SLC24A2: variants seen among roughly 807,000 people sequenced by gnomAD.
The protein encoded by SLC24A2 is solute carrier family 24 member 2.
In SLC24A2, 36 loss-of-function variants were observed where a neutral mutation model predicts 62.0. The observed-to-expected ratio is 0.58, with a 90% CI of 0.44 to 0.77. The LOEUF is 0.77. Among genes scored for constraint, SLC24A2 ranks in the 30% least tolerant of loss-of-function variants. The pLI is 0.00. For synonymous variants in SLC24A2, 358 were observed against 294.0 expected, an observed-to-expected ratio of 1.22 and a Z score of -2.23; for missense variants, 846 against 817.9, an observed-to-expected ratio of 1.03 and a Z score of -0.42.
chr9:20,054,582 C>G, the SLC24A2 span, among the ~76,000 whole-genome samples: 6 of 152,172 alleles, frequency 3.9e-5, no homozygotes, highest in Non-Finnish European at 5.9e-5. Context: ...CCTCACCCCC[C>G]TCCCATGCTT....
the SLC24A2 span, among the ~76,000 whole-genome samples, chr9:20,185,668 A>T: frequency 6.6e-6 from 1 of 150,892 alleles, no homozygotes; most frequent in Admixed American, 6.6e-5. Flanking sequence ...CCATCTCAAA[A>T]AAAAAAAAAA....
the SLC24A2 span, among the ~76,000 whole-genome samples, chr9:20,219,246 G>A: frequency 1.3e-5 from 2 of 152,148 alleles, no homozygotes; most frequent in African/African-American, 2.4e-5. Flanking sequence ...GCTGAGGGAG[G>A]ACTCACTCCT....
the SLC24A2 span, among the ~76,000 whole-genome samples, chr9:20,278,194 C>T: frequency 4.6e-5 from 7 of 151,944 alleles, no homozygotes; most frequent in Middle Eastern, 3.4e-3. Context: ...TGTAACAAAC[C>T]GGCACACTGT....
chr9:20,041,000 A>G, the SLC24A2 span, among the ~76,000 whole-genome samples: 1 of 152,184 alleles, frequency 6.6e-6, no homozygotes, highest in South Asian at 2.1e-4. Context: ...ATTCTCTCCT[A>G]AAAAGGGCAG....
At chr9:19,542,083 A>C (rs1035464416) in intron 8 of SLC24A2, among the ~76,000 whole-genome samples, 9 of 152,250 alleles carry the variant, frequency 5.9e-5, no homozygotes, top group Admixed American at 2.0e-4. Flanking sequence ...GTGCACGCAC[A>C]CACTGGCCTG....
chr9:20,164,365 A>G, the SLC24A2 span, among the ~76,000 whole-genome samples: 1 of 152,130 alleles, frequency 6.6e-6, no homozygotes, highest in African/African-American at 2.4e-5. Flanking sequence ...TTATGCAGCG[A>G]AAAAAACACA....
At chr9:20,280,765 C>T in the SLC24A2 span, among the ~76,000 whole-genome samples, 3 of 152,084 alleles carry the variant, frequency 2.0e-5, no homozygotes, top group African/African-American at 7.2e-5. Flanking sequence ...TGAGATCACC[C>T]TGGATTATCT....
At chr9:20,135,835 C>A in the SLC24A2 span, among the ~76,000 whole-genome samples, 1 of 151,950 alleles carries the variant, frequency 6.6e-6, no homozygotes, top group East Asian at 1.9e-4. Context: ...ATGTGTTTTT[C>A]CTTTTCCAAA....
chr9:20,266,890 C>T, the SLC24A2 span, among the ~76,000 whole-genome samples: 4 of 151,900 alleles, frequency 2.6e-5, no homozygotes, highest in Admixed American at 6.6e-5. Context: ...CCCACCTGGT[C>T]AACAGAATGA....
At chr9:19,858,962 C>T in the SLC24A2 span, among the ~76,000 whole-genome samples, 1 of 152,104 alleles carries the variant, frequency 6.6e-6, no homozygotes, top group East Asian at 1.9e-4. Flanking sequence ...GAAATTAAAA[C>T]AGAACTTCCA....
the SLC24A2 span, among the ~76,000 whole-genome samples, chr9:20,105,585 C>T: frequency 1.3e-5 from 2 of 152,148 alleles, no homozygotes; most frequent in South Asian, 4.2e-4. Flanking sequence ...GAACAACCTG[C>T]TCCTGAATGA....
At chr9:19,732,109 T>C (rs1587235991) in intron 2 of SLC24A2, among the ~76,000 whole-genome samples, 1 of 48,298 alleles carries the variant, frequency 2.1e-5, no homozygotes, top group Admixed American at 2.2e-4. Flanking sequence ...ACTCCTTGTT[T>C]TGTTAAAAAA....
chr9:19,823,315 G>A, the SLC24A2 span, among the ~76,000 whole-genome samples: 2 of 152,034 alleles, frequency 1.3e-5, no homozygotes, highest in African/African-American at 4.8e-5. Flanking sequence ...GTGTGTGTGT[G>A]TGTGTGTGTG....
the SLC24A2 span, among the ~76,000 whole-genome samples, chr9:20,208,533 T>C: frequency 2.6e-5 from 4 of 152,346 alleles, no homozygotes; most frequent in South Asian, 8.3e-4. Flanking sequence ...TCTCCATCAG[T>C]GCTTTTCCCA....
At chr9:20,261,231 G>T in the SLC24A2 span, among the ~76,000 whole-genome samples, 6 of 152,022 alleles carry the variant, frequency 3.9e-5, no homozygotes, top group Non-Finnish European at 8.8e-5. Context: ...ACAATGTCTG[G>T]TTTTCCATTC....
In SLC24A2 at chr9:19,786,272, C is replaced by G. The variant is rs139419786; in HGVS notation, c.595G>C (p.Ala199Pro). 1 of 1,614,060 alleles carries G rather than the reference C, an allele frequency of 6.2e-7. No homozygotes were observed. Among genetic ancestry groups the G allele is most frequent in the Admixed American group, 1.7e-5 (1 of 60,020 alleles). ...LFTSLIGVFI[A>P]HSNVGIGTIV... ...GTGCCTATGCCAACGTTGCTGTGAG[C>G]GATAAATACCCCTATGAGAGATGTG... Residue 199 changes from alanine (A) to proline (P), a missense_variant, in exon 2 of 11, where the codon GCT (alanine) becomes CCT (proline). Coordinates refer to ENST00000341998, the MANE Select transcript of SLC24A2 (RefSeq NM_020344.4). This position sits in a 1 kb window ranked among gnomAD's most constrained non-coding sequence, Gnocchi z 5.0.
At chr9:19,567,594 T>G (rs965231951) in intron 7 of SLC24A2, among the ~76,000 whole-genome samples, 1 of 151,292 alleles carries the variant, frequency 6.6e-6, no homozygotes, top group African/African-American at 2.4e-5. Flanking sequence ...TAATTTTATC[T>G]TTCCTTTTTA....
intron 2 of SLC24A2, among the ~76,000 whole-genome samples, chr9:19,748,004 G>A (rs1821883021): frequency 6.6e-6 from 1 of 152,162 alleles, no homozygotes; most frequent in South Asian, 2.1e-4. Flanking sequence ...CTGAGTGTGT[G>A]CTAAGGGCTG....
At chr9:20,051,765 C>G in the SLC24A2 span, among the ~76,000 whole-genome samples, 1 of 144,652 alleles carries the variant, frequency 6.9e-6, no homozygotes, top group African/African-American at 2.6e-5. Context: ...TATGGTGCTC[C>G]TTGGTGAGCT....
Sources: gnomAD v4.1 joint callset for allele counts (sites outside exome capture counted in the v4.1 genomes callset) on GRCh38, gnomAD v4.1.1 for gene constraint, Gnocchi (gnomAD v3.1) non-coding constraint, MANE v1.5 for transcripts, NCBI Gene and HGNC (gene_info 2026-07-23, HGNC 2026-07-21) for gene names.